Variants in AACS observed in about 807,000 individuals in gnomAD.
The protein encoded by AACS is acetoacetate-CoA ligase.
A neutral mutation model predicts 83.1 loss-of-function variants in AACS; 69 were observed. The observed-to-expected ratio is 0.83, with a 90% CI of 0.68 to 1.01. AACS has a LOEUF of 1.01. Ranked by LOEUF, AACS falls within the 50% of genes least tolerant of loss-of-function variation. AACS has a pLI of 0.00. For synonymous variants in AACS, 333 were observed against 343.4 expected (o/e 0.97, Z 0.33); for missense variants, 866 against 882.2 (o/e 0.98, Z 0.23).
intron 3 of AACS, chr12:125,078,214 A>G (rs980068689): frequency 6.6e-6 from 3 of 456,138 alleles, no homozygotes; most frequent in African/African-American, 4.0e-5. Flanking sequence ...CAGTTGGTAA[A>G]GATCATGGCA....
chr12:125,115,324 G>A (rs1364954919), intron 9 of AACS, among the ~76,000 whole-genome samples: 1 of 151,228 alleles, frequency 6.6e-6, no homozygotes, highest in Non-Finnish European at 1.5e-5. Context: ...GCAGTGACTG[G>A]ATCTTGGCTC....
chr12:125,067,872 C>G (rs1955748677), intron 1 of AACS, among the ~76,000 whole-genome samples: 1 of 152,182 alleles, frequency 6.6e-6, no homozygotes, highest in African/African-American at 2.4e-5. Context: ...CACTTACCAG[C>G]TGTGTGATCA....
chr12:125,132,751 C>A (rs1362467892), intron 14 of AACS, among the ~76,000 whole-genome samples: 1 of 152,172 alleles, frequency 6.6e-6, no homozygotes, highest in African/African-American at 2.4e-5. Context: ...CAGCTGCCTC[C>A]CAGGGACCAT....
intron 1 of AACS, among the ~76,000 whole-genome samples, chr12:125,066,865 C>T: frequency 6.6e-6 from 1 of 152,070 alleles, no homozygotes; most frequent in Admixed American, 6.6e-5. Context: ...GGATGGACAC[C>T]CCAGTCACCT....
At chr12:125,074,663 T>G (rs1955970941) in intron 2 of AACS, among the ~76,000 whole-genome samples, 1 of 144,328 alleles carries the variant, frequency 6.9e-6, no homozygotes, top group South Asian at 2.3e-4. Flanking sequence ...TGTTGTAGTT[T>G]TTTTTTTTTT....
rs761092016 is a variant in AACS, at chr12:125,142,325, G to C, written c.*96G>C. On this transcript the variant is annotated 3_prime_UTR_variant, in exon 18 of 18. Coordinates refer to ENST00000316519, the MANE Select transcript of AACS (RefSeq NM_023928.5). ...ACAGAAACCTACAGCTGTTGTAAAAGGATGCTCGCACCAAGTGTTCTGTAG... is the reference window on the plus strand; with the variant it reads ...ACAGAAACCTACAGCTGTTGTAAAACGATGCTCGCACCAAGTGTTCTGTAG... The C allele has an allele frequency of 1.1e-5, 17 of 1,514,050 alleles. No individual in the cohort carries two copies. Among genetic ancestry groups the C allele is most frequent in the Admixed American group, 4.1e-5 (2 of 49,078 alleles). The allele number at this position is 1,514,050 out of a possible 1,614,324, so 93.8% of individuals were successfully genotyped here. A position where few individuals can be genotyped will look rare whatever the true frequency, so the allele number is the denominator to read the frequency against.
chr12:125,106,984 C>T (rs1241088952), intron 7 of AACS, 137 bp from the exon 8 acceptor site: 4 of 1,307,780 alleles, frequency 3.1e-6, no homozygotes, highest in East Asian at 4.8e-5. Flanking sequence ...AGGAAGTTTC[C>T]AAATCTGGCC....
At chr12:125,111,812 A>G (rs1956958807) in intron 8 of AACS, among the ~76,000 whole-genome samples, 1 of 152,214 alleles carries the variant, frequency 6.6e-6, no homozygotes, top group South Asian at 2.1e-4. Flanking sequence ...CCCTCAGGGA[A>G]AGCATTCAGA....
intron 3 of AACS, among the ~76,000 whole-genome samples, chr12:125,082,588 C>T (rs1196319802): frequency 2.0e-5 from 3 of 151,900 alleles, no homozygotes; most frequent in Non-Finnish European, 2.9e-5. Context: ...TTTGGGAGCC[C>T]GAAGTGGGTG....
chr12:125,093,308 G>A (rs577125523), intron 5 of AACS, among the ~76,000 whole-genome samples: 2 of 152,344 alleles, frequency 1.3e-5, no homozygotes, highest in East Asian at 3.9e-4. Context: ...TCGGCCTTTG[G>A]TGGTTTGTCT....
chr12:125,121,358 G>T (rs753002361), intron 10 of AACS: 1 of 152,280 alleles, frequency 6.6e-6, no homozygotes, highest in Non-Finnish European at 1.5e-5. Context: ...TGTAACAGTT[G>T]AAAGCAGTCA....
At position 125,142,264 on chromosome 12, in the gene AACS, G is replaced by C. The variant is rs778876691; in HGVS notation, c.*35G>C. On this transcript the variant is annotated 3_prime_UTR_variant, in exon 18 of 18. Coordinates refer to ENST00000316519, the MANE Select transcript of AACS (RefSeq NM_023928.5). ...GCTGGCGTGTCACTCAGCCGCACCC[G>C]TGTGCACTGTAACTTTTGTGTGCTC... 6.2e-7 allele frequency: 1 copy of C among 1,603,468 alleles called. No homozygotes were observed. The highest frequency in any genetic ancestry group is 1.3e-5 in the African/African-American group (1 of 74,470).
Position 125,124,462 on chromosome 12 carries a change from G to A in AACS, c.1122-243G>A, listed in dbSNP as rs1386753359. 1.5e-5 allele frequency: 8 copies of A among 549,310 alleles called. No individual in the cohort carries two copies. The East Asian group carries it at 1.5e-4, about 10-fold the overall frequency. 34.0% of individuals were successfully genotyped at this position (549,310 alleles called of 1,614,324 possible). A position where few individuals can be genotyped will look rare whatever the true frequency, so the allele number is the denominator to read the frequency against. On this transcript the variant is annotated intron_variant, in intron 10 of 17. Coordinates refer to ENST00000316519, the MANE Select transcript of AACS (RefSeq NM_023928.5). ...CGGGTGAGCGACTGTTTTATGTGAC[G>A]CCTCGTGGTAAAGGGAGCTGGCCCT...
rs1957225123 is a variant in AACS, at chr12:125,125,036, G to T, written c.1309+12G>T. 2 of 1,613,896 alleles carry T rather than the reference G, an allele frequency of 1.2e-6. No homozygotes were observed. The highest frequency in any genetic ancestry group is 2.7e-5 in the African/African-American group (2 of 74,904). On this transcript the variant is annotated intron_variant, in intron 12 of 17. Transcript: ENST00000316519. Reference sequence around the variant, plus strand: ...GGGCTCCATCTCAGGTATGGCCCCGGTGGGGACAGTCCTTCCAGCCATCCC... The same window carrying T: ...GGGCTCCATCTCAGGTATGGCCCCGTTGGGGACAGTCCTTCCAGCCATCCC...
chr12:125,104,079 C>T (rs73423510), intron 7 of AACS, among the ~76,000 whole-genome samples: 9,553 of 140,014 alleles, frequency 0.068, 782 homozygotes, highest in African/African-American at 0.19. Context: ...TTAGTCAAAG[C>T]TGAATTCTTC....
In AACS at chr12:125,140,515, ACAGG is replaced by A. The variant is rs1399371820; in HGVS notation, c.1882-1571_1882-1568del. 2.6e-5 allele frequency: 4 copies of A among 152,164 alleles called. No individual in the cohort carries two copies. Among genetic ancestry groups the A allele is most frequent in the African/African-American group, 4.8e-5 (2 of 41,414 alleles). The allele number at this position is 152,164 out of a possible 1,614,324, so 9.4% of individuals were successfully genotyped here. The stretch of plus-strand genomic sequence containing the variant: ...AGGGCCGGCGACATCACATGAAGTG[ACAGG>A]CAGGCCCTTGGAAGCCGGTGCTTAG... On this transcript the variant is annotated intron_variant, in intron 17 of 17. Coordinates refer to ENST00000316519, the MANE Select transcript of AACS (RefSeq NM_023928.5). The surrounding 1 kb of genome is among the most constrained non-coding windows in gnomAD (Gnocchi z 5.1).
chr12:125,084,921 C>T (rs1025544956), intron 3 of AACS, among the ~76,000 whole-genome samples: 1 of 152,172 alleles, frequency 6.6e-6, no homozygotes, highest in Non-Finnish European at 1.5e-5. Context: ...CTATCTTACC[C>T]AGGCTGGTCT....
chr12:125,079,564 T>G (rs1054246419), intron 3 of AACS, among the ~76,000 whole-genome samples: 6 of 152,192 alleles, frequency 3.9e-5, no homozygotes, highest in South Asian at 2.1e-4. Flanking sequence ...TTTTTTAAGT[T>G]TTTTTGTAGA....
rs1052014166 is a variant in AACS at position 125,094,439 on chromosome 12, C to T, written c.570+2916C>T. On this transcript the variant is annotated intron_variant, in intron 5 of 17. Coordinates refer to ENST00000316519, the MANE Select transcript of AACS (RefSeq NM_023928.5). This position sits in a 1 kb window ranked among gnomAD's most constrained non-coding sequence, Gnocchi z 4.1. ...GACTTCTGGTCTCTGTTGATGGAGT[C>T]GCACCGTTGGACTCGTGGGTTCACA... 2.0e-5 allele frequency among the ~76,000 whole-genome samples: 3 copies of T among 152,200 alleles called. No individual in the cohort carries two copies. Among genetic ancestry groups the T allele is most frequent in the African/African-American group, 7.2e-5 (3 of 41,438 alleles).
Sources: gnomAD v4.1 joint callset for allele counts (sites outside exome capture counted in the v4.1 genomes callset) on GRCh38, gnomAD v4.1.1 for gene constraint, Gnocchi (gnomAD v3.1) non-coding constraint, MANE v1.5 for transcripts, NCBI Gene and HGNC (gene_info 2026-07-23, HGNC 2026-07-21) for gene names.